Variants in DNAI4 observed in about 807,000 individuals in gnomAD.
The protein encoded by DNAI4 is WD repeat domain 78.
A neutral mutation model predicts 105.8 loss-of-function variants in DNAI4; 85 were observed. The ratio of observed to expected loss-of-function variants is 0.80; its 90% CI spans 0.67 to 0.96. The LOEUF is 0.96. DNAI4 is among the 40% of genes least tolerant of loss of function. The pLI is 0.00. For synonymous variants in DNAI4, 352 were observed against 331.5 expected, an observed-to-expected ratio of 1.06 and a Z score of -0.67; for missense variants, 1,014 against 1,005.6, an observed-to-expected ratio of 1.01 and a Z score of -0.11.
At chr1:66,831,544 C>A (rs761393786) in intron 13 of DNAI4, among the ~76,000 whole-genome samples, 1 of 152,144 alleles carries the variant, frequency 6.6e-6, no homozygotes, top group Non-Finnish European at 1.5e-5. Context: ...TTTATACATA[C>A]GGAAAAGTGT....
intron 1 of DNAI4, among the ~76,000 whole-genome samples, chr1:66,916,389 T>C (rs1324395384): frequency 6.6e-6 from 1 of 152,204 alleles, no homozygotes; most frequent in African/African-American, 2.4e-5. Context: ...TTACAGGGTT[T>C]TGACTCCTGG....
At position 66,897,783 on chromosome 1, in the gene DNAI4, G is replaced by A. The variant is rs116655620; in HGVS notation, c.346-4370C>T. 2.8e-3 allele frequency among the ~76,000 whole-genome samples: 421 copies of A among 152,358 alleles called. 3 individuals are homozygous for A. Among genetic ancestry groups the A allele is most frequent in the African/African-American group, 9.8e-3 (407 of 41,582 alleles). On this transcript the variant is annotated intron_variant, in intron 2 of 16. Transcript: ENST00000371026. ...TTCTGCAGGCTTACAAAAAGCAAAA[G>A]CTGTGGAGGAATTAAGATCCATCTT... is the stretch of plus-strand genomic sequence containing the variant.
intron 2 of DNAI4, among the ~76,000 whole-genome samples, chr1:66,896,192 A>G (rs1648324272): frequency 6.6e-6 from 1 of 152,212 alleles, no homozygotes. Flanking sequence ...TAAATCACTC[A>G]TATAAATTTC....
At chr1:66,855,795 C>G (rs1308389841) in intron 7 of DNAI4, among the ~76,000 whole-genome samples, 1 of 152,104 alleles carries the variant, frequency 6.6e-6, no homozygotes, top group Non-Finnish European at 1.5e-5. Flanking sequence ...ATTAACAGAT[C>G]AACAGACAGA....
chr1:66,820,109 A>G (rs1399616641), intron 16 of DNAI4, among the ~76,000 whole-genome samples: 3 of 152,202 alleles, frequency 2.0e-5, no homozygotes, highest in African/African-American at 7.2e-5. Context: ...GGAGATAAAT[A>G]TCCCAGTTCC....
chr1:66,865,654 C>T (rs1055220158), intron 6 of DNAI4, among the ~76,000 whole-genome samples: 1 of 152,160 alleles, frequency 6.6e-6, no homozygotes, highest in African/African-American at 2.4e-5. Context: ...CAGTAACTGT[C>T]ACAGCTAGAC....
intron 4 of DNAI4, 61 bp from the exon 5 acceptor site, chr1:66,874,998 C>T: frequency 6.9e-7 from 1 of 1,448,600 alleles, no homozygotes; most frequent in East Asian, 2.3e-5. Context: ...TGCATTTTTC[C>T]TTCTAGTCAC....
chr1:66,902,286 A>G (rs111827365), intron 2 of DNAI4, among the ~76,000 whole-genome samples: 104 of 151,866 alleles, frequency 6.8e-4, no homozygotes, highest in African/African-American at 2.4e-3. Flanking sequence ...TCTTACTGTG[A>G]TTTTGATTTG....
rs34323265 is a variant in DNAI4 at position 66,872,217 on chromosome 1, A to ATTTATTTATTTAT, written c.801-709_801-708insATAAATAAATAAA. Among the ~76,000 whole-genome samples, 913 of 117,496 alleles carry ATTTATTTATTTAT rather than the reference A, an allele frequency of 7.8e-3. 4 individuals are homozygous for ATTTATTTATTTAT. The highest frequency in any genetic ancestry group is 0.01 in the Middle Eastern group (2 of 200). The allele number at this position is 117,496 out of a possible 152,430, so 77.1% of individuals were successfully genotyped here. A position where few individuals can be genotyped will look rare whatever the true frequency, so the allele number is the denominator to read the frequency against. On this transcript the variant is annotated intron_variant, in intron 5 of 16. Coordinates refer to ENST00000371026, the MANE Select transcript of DNAI4 (RefSeq NM_024763.5). ...TATTTTCAGGTTATTTTATTTATTT[A>ATTTATTTATTTAT]TTATTTATTTATTTATTTATTTATT...
intron 8 of DNAI4, 125 bp from the exon 9 acceptor site, chr1:66,840,796 G>A (rs1220209014): frequency 1.9e-5 from 19 of 1,006,786 alleles, no homozygotes; most frequent in South Asian, 9.3e-5. Context: ...GGATCATATG[G>A]TGCAAGTGGC....
intron 4 of DNAI4, among the ~76,000 whole-genome samples, chr1:66,878,077 A>T (rs1363940257): frequency 2.6e-5 from 4 of 152,112 alleles, no homozygotes. Context: ...GTAGAATGGG[A>T]AGTTAAGATC....
At chr1:66,826,008 ATAAAT>A (rs955577724) in intron 15 of DNAI4, among the ~76,000 whole-genome samples, 70 of 152,352 alleles carry the variant, frequency 4.6e-4, no homozygotes, top group African/African-American at 1.7e-3. Flanking sequence ...ATTAGGAAGA[ATAAAT>A]TAATTTAGAC....
intron 1 of DNAI4, 92 bp downstream of exon 1, chr1:66,924,570 C>T: frequency 6.4e-7 from 1 of 1,569,740 alleles, no homozygotes; most frequent in South Asian, 1.1e-5. Flanking sequence ...AGGGTAGGGC[C>T]CCTTTCCAAA....
intron 16 of DNAI4, among the ~76,000 whole-genome samples, chr1:66,820,943 T>C (rs932813039): frequency 6.6e-5 from 10 of 152,156 alleles, no homozygotes; most frequent in Non-Finnish European, 2.9e-5. Context: ...ATTTATGTTG[T>C]TCTGTTTTCC....
chr1:66,828,140 G>A (rs1046622841), intron 13 of DNAI4: 6 of 262,834 alleles, frequency 2.3e-5, no homozygotes, highest in East Asian at 1.4e-4. Flanking sequence ...TGCTGGAATC[G>A]GGGTAGCATT....
intron 13 of DNAI4, 144 bp downstream of exon 13, chr1:66,833,441 C>T: frequency 1.1e-6 from 1 of 940,190 alleles, no homozygotes; most frequent in Non-Finnish European, 1.5e-6. Context: ...CTAGCCCAGG[C>T]AATCATTTAT....
At chr1:66,864,535 G>A (rs1646691381) in intron 6 of DNAI4, among the ~76,000 whole-genome samples, 2 of 152,198 alleles carry the variant, frequency 1.3e-5, no homozygotes, top group South Asian at 2.1e-4. Flanking sequence ...TACAGCATCT[G>A]CTATAAAAGA....
chr1:66,837,894 G>A (rs557048564), intron 9 of DNAI4, 98 bp from the exon 10 acceptor site: 1 of 1,158,986 alleles, frequency 8.6e-7, no homozygotes, highest in African/African-American at 1.6e-5. Context: ...GTTAAAAATA[G>A]TAGTAAGACA....
intron 1 of DNAI4, among the ~76,000 whole-genome samples, chr1:66,920,191 T>G (rs993288557): frequency 6.6e-6 from 1 of 152,134 alleles, no homozygotes; most frequent in African/African-American, 2.4e-5. Flanking sequence ...GTGGCTTGAC[T>G]TCAGAGGGAC....
Sources: gnomAD v4.1 joint callset for allele counts (sites outside exome capture counted in the v4.1 genomes callset) on GRCh38, gnomAD v4.1.1 for gene constraint, MANE v1.5 for transcripts, NCBI Gene and HGNC (gene_info 2026-07-23, HGNC 2026-07-21) for gene names.